CCDC169: variants seen among roughly 807,000 people sequenced by gnomAD.
CCDC169 encodes coiled-coil domain containing 169.
A neutral mutation model predicts 36.0 loss-of-function variants in CCDC169; 30 were observed. The ratio of observed to expected loss-of-function variants is 0.83; its 90% CI spans 0.62 to 1.13. CCDC169 has a LOEUF of 1.13. Among genes scored for constraint, CCDC169 ranks in the 50% most tolerant of loss-of-function variants. The pLI is 0.00. For synonymous variants in CCDC169, 85 were observed against 81.5 expected (o/e 1.04, Z -0.23); for missense variants, 245 against 245.9 (o/e 1.00, Z 0.03).
At chr13:36,285,240 A>T (rs1002321226) in intron 2 of CCDC169, among the ~76,000 whole-genome samples, 3 of 152,284 alleles carry the variant, frequency 2.0e-5, no homozygotes. Flanking sequence ...TCAATCATCA[A>T]ATTTAATTAT....
At chr13:36,287,118 T>C (rs945945584) in intron 2 of CCDC169, among the ~76,000 whole-genome samples, 20 of 152,088 alleles carry the variant, frequency 1.3e-4, no homozygotes, top group South Asian at 4.2e-4. Context: ...AGAGCTCAAA[T>C]AGTTAACCTG....
At position 36,285,614 on chromosome 13, in the gene CCDC169, G is replaced by C. The variant is rs9575824; in HGVS notation, c.164-1912C>G. 7.1e-3 allele frequency among the ~76,000 whole-genome samples: 980 copies of C among 138,172 alleles called. 12 individuals are homozygous for C. Among genetic ancestry groups the C allele is most frequent in the African/African-American group, 0.023 (842 of 37,106 alleles). The allele number at this position is 138,172 out of a possible 152,430, so 90.6% of individuals were successfully genotyped here. ...AGATAGATAGATAGATAGATAGATA[G>C]ATAGATACATAGATACATAGATACA... On this transcript the variant is annotated intron_variant, in intron 2 of 7. Transcript: ENST00000239859.
At chr13:36,284,508 T>C (rs989538718) in intron 2 of CCDC169, among the ~76,000 whole-genome samples, 2 of 152,216 alleles carry the variant, frequency 1.3e-5, no homozygotes, top group African/African-American at 2.4e-5. Flanking sequence ...ACTCCTAAGC[T>C]GAAGGAACAA....
At chr13:36,265,583 C>T (rs1428563515) in intron 4 of CCDC169, among the ~76,000 whole-genome samples, 2 of 152,208 alleles carry the variant, frequency 1.3e-5, no homozygotes, top group Non-Finnish European at 2.9e-5. Context: ...CTATGTTAGG[C>T]AGCAGTATAT....
At chr13:36,238,649 A>G (rs935088883) in intron 7 of CCDC169, among the ~76,000 whole-genome samples, 4 of 152,148 alleles carry the variant, frequency 2.6e-5, no homozygotes, top group East Asian at 3.8e-4. Context: ...ATGATTTTCT[A>G]TTACACTAAG....
intron 4 of CCDC169, among the ~76,000 whole-genome samples, chr13:36,255,659 T>TAAAAAAAA (rs3083965): frequency 9.6e-5 from 12 of 124,590 alleles, no homozygotes; most frequent in South Asian, 2.8e-4. Flanking sequence ...CAAGGCTCCA[T>TAAAAAAAA]AAAAAAAAAA....
chr13:36,239,034 A>G (rs1871422968), intron 7 of CCDC169, among the ~76,000 whole-genome samples: 1 of 152,118 alleles, frequency 6.6e-6, no homozygotes, highest in South Asian at 2.1e-4. Context: ...GATTAATACC[A>G]GCCTGAAAAA....
chr13:36,273,669 T>C lies in CCDC169; in HGVS notation c.315+9800A>G, dbSNP rs559171433. ...CTGTGAATTCTAAAATAGATCACAT[T>C]TGAGATTGCTAACAACCCACCCTGG... On this transcript the variant is annotated intron_variant, in intron 4 of 7. Transcript: ENST00000239859. Among the ~76,000 whole-genome samples, 40 of 152,322 alleles carry C rather than the reference T, an allele frequency of 2.6e-4. 1 individual carries two copies. The highest frequency in any genetic ancestry group is 1.9e-3 in the Admixed American group (29 of 15,298).
chr13:36,231,231 T>A lies in CCDC169; in HGVS notation c.607A>T (p.Ile203Phe). The change falls in exon 8 of 8, where the codon ATT becomes TTT. Residue 203 changes from isoleucine (I) to phenylalanine (F), a missense_variant. Transcript: ENST00000239859. ...VSAKRGPVKKITRPNHLPELH... is the reference protein window; with the variant it reads ...VSAKRGPVKKFTRPNHLPELH... ...TCTGGAAGATGGTTTGGTCTTGTAA[T>A]CTTTTTTACTGGTCCTCTCTTGGCA... The A allele has an allele frequency of 6.4e-7, 1 of 1,551,478 alleles. No individual in the cohort carries two copies. The highest frequency in any genetic ancestry group is 1.2e-5 in the South Asian group (1 of 84,062).
At chr13:36,257,586 C>G (rs1022817439) in intron 4 of CCDC169, among the ~76,000 whole-genome samples, 3 of 152,156 alleles carry the variant, frequency 2.0e-5, no homozygotes, top group African/African-American at 7.2e-5. Flanking sequence ...GCCTGTAGTC[C>G]CAGCTACTCG....
At chr13:36,293,739 C>T (rs1199541658) in intron 2 of CCDC169, among the ~76,000 whole-genome samples, 1 of 152,152 alleles carries the variant, frequency 6.6e-6, no homozygotes, top group Non-Finnish European at 1.5e-5. Context: ...TGAGTCATCA[C>T]GGAATGACCA....
intron 4 of CCDC169, among the ~76,000 whole-genome samples, chr13:36,277,944 CA>C (rs71084416): frequency 0.012 from 1,155 of 100,184 alleles, 8 homozygotes; most frequent in Non-Finnish European, 0.015. Flanking sequence ...GACTCCGTCT[CA>C]AAAAAAAAAA....
intron 7 of CCDC169, among the ~76,000 whole-genome samples, chr13:36,244,165 T>C (rs1286547727): frequency 6.6e-6 from 1 of 152,204 alleles, no homozygotes; most frequent in Non-Finnish European, 1.5e-5. Context: ...CTACTGTCTT[T>C]GGAAAAGCCC....
chr13:36,262,473 G>T (rs949179277), intron 4 of CCDC169, among the ~76,000 whole-genome samples: 1 of 152,164 alleles, frequency 6.6e-6, no homozygotes, highest in African/African-American at 2.4e-5. Flanking sequence ...GTGCCACAAA[G>T]ATTAGTTCTA....
chr13:36,292,116 T>C (rs1237721588), intron 2 of CCDC169, among the ~76,000 whole-genome samples: 1 of 151,672 alleles, frequency 6.6e-6, no homozygotes, highest in Admixed American at 6.6e-5. Context: ...GCCTCCAGAG[T>C]AGCTGGGATT....
intron 4 of CCDC169, among the ~76,000 whole-genome samples, chr13:36,263,438 C>T (rs1874850649): frequency 6.6e-6 from 1 of 152,178 alleles, no homozygotes; most frequent in Non-Finnish European, 1.5e-5. Context: ...CAAAGCAAAA[C>T]TGCAAAATAT....
chr13:36,285,603 A>ATAGATAGATAGATAGCTAGC (rs1555254450), intron 2 of CCDC169, among the ~76,000 whole-genome samples: 2 of 148,146 alleles, frequency 1.4e-5, no homozygotes, highest in Non-Finnish European at 3.0e-5. Context: ...AGATAGATAG[A>ATAGATAGATAGATAGCTAGC]TAGATAGATA....
chr13:36,256,299 T>C (rs1042704942), intron 4 of CCDC169, among the ~76,000 whole-genome samples: 2 of 152,148 alleles, frequency 1.3e-5, no homozygotes, highest in African/African-American at 2.4e-5. Context: ...CGACACTAGG[T>C]AATTTATAAA....
chr13:36,287,202 C>T (rs895538253), intron 2 of CCDC169, among the ~76,000 whole-genome samples: 1 of 152,242 alleles, frequency 6.6e-6, no homozygotes, highest in South Asian at 2.1e-4. Flanking sequence ...TTTAAATCTG[C>T]TGTTACTAAG....
Sources: allele counts gnomAD v4.1 joint callset (sites outside exome capture counted in the v4.1 genomes callset), GRCh38; gene constraint gnomAD v4.1.1; transcripts MANE v1.5; gene names NCBI Gene and HGNC (gene_info 2026-07-23, HGNC 2026-07-21).